PRCP: variants seen among roughly 807,000 people sequenced by gnomAD.
The protein encoded by PRCP is prolylcarboxypeptidase, also known as lysosomal Pro-X carboxypeptidase.
In PRCP, 46 loss-of-function variants were observed where a neutral mutation model predicts 54.2. The observed-to-expected ratio is 0.85, with a 90% CI of 0.67 to 1.09. The LOEUF is 1.09. Among genes scored for constraint, PRCP ranks in the 50% least tolerant of loss-of-function variants. The pLI is 0.00. For missense variants in PRCP, 613 were observed against 596.8 expected (o/e 1.03, Z -0.28); for synonymous variants, 240 against 212.2 (o/e 1.13, Z -1.14).
At chr11:82,876,171 A>C (rs1020353006) in intron 1 of PRCP, among the ~76,000 whole-genome samples, 1 of 152,226 alleles carries the variant, frequency 6.6e-6, no homozygotes, top group African/African-American at 2.4e-5. Flanking sequence ...GGCTCAGCAC[A>C]GTGAAAAGAG....
chr11:82,891,351 G>A (rs1342192170), intron 1 of PRCP, among the ~76,000 whole-genome samples: 2 of 152,032 alleles, frequency 1.3e-5, no homozygotes, highest in South Asian at 2.1e-4. Context: ...AGCCACCATC[G>A]TCTCTAATCT....
Position 82,824,742 on chromosome 11 carries a change from TG to T in PRCP, c.*163del. On this transcript the variant is annotated 3_prime_UTR_variant, in exon 9 of 9. Transcript: ENST00000313010. ...GTGAGAACCCAGGAAATCACATTCA[TG>T]GGACACTTGCTCTTACCGTCATCAC... 1.4e-6 allele frequency: 1 copy of T among 691,186 alleles called. No individual in the cohort carries two copies. Among genetic ancestry groups the T allele is most frequent in the Non-Finnish European group, 2.4e-6 (1 of 420,914 alleles). The allele number at this position is 691,186 out of a possible 1,614,324, so 42.8% of individuals were successfully genotyped here. A position where few individuals can be genotyped will look rare whatever the true frequency, so the allele number is the denominator to read the frequency against.
chr11:82,835,237 GAGTCTAATA>G (rs966409959), intron 8 of PRCP, among the ~76,000 whole-genome samples: 4 of 152,140 alleles, frequency 2.6e-5, no homozygotes, highest in African/African-American at 7.2e-5. Context: ...AAAATAGAAT[GAGTCTAATA>G]AGTCTAATAA....
intron 1 of PRCP, among the ~76,000 whole-genome samples, chr11:82,862,047 C>T (rs1859216826): frequency 6.6e-6 from 1 of 150,500 alleles, no homozygotes; most frequent in African/African-American, 2.4e-5. Context: ...TATATTCAGT[C>T]AGTAACCATA....
chr11:82,828,884 G>A (rs1425334489), intron 8 of PRCP: 1 of 152,108 alleles, frequency 6.6e-6, no homozygotes, highest in African/African-American at 2.4e-5. Flanking sequence ...TCTGTCAGTG[G>A]GAAGTCTATC....
At chr11:82,896,247 A>G (rs1185594767) in intron 1 of PRCP, among the ~76,000 whole-genome samples, 1 of 152,214 alleles carries the variant, frequency 6.6e-6, no homozygotes, top group Non-Finnish European at 1.5e-5. Context: ...CCAACTTTAT[A>G]GGCCATGGTG....
At chr11:82,865,655 A>G (rs1859314716) in intron 1 of PRCP, among the ~76,000 whole-genome samples, 1 of 152,236 alleles carries the variant, frequency 6.6e-6, no homozygotes, top group Non-Finnish European at 1.5e-5. Flanking sequence ...CCTCCAATAA[A>G]TCAAAGCACC....
At chr11:82,879,704 G>A (rs1859700258) in intron 1 of PRCP, among the ~76,000 whole-genome samples, 1 of 152,238 alleles carries the variant, frequency 6.6e-6, no homozygotes, top group South Asian at 2.1e-4. Flanking sequence ...GTGACGTACA[G>A]ATGGGGTTTT....
intron 7 of PRCP, 24 bp from the exon 8 acceptor site, chr11:82,838,598 T>C: frequency 3.8e-6 from 6 of 1,585,238 alleles, no homozygotes; most frequent in Non-Finnish European, 5.1e-6. Flanking sequence ...CAAGAGAGAA[T>C]CCAATTAGAA....
Position 82,853,266 on chromosome 11 carries a change from C to T in PRCP, c.322G>A (p.Asp108Asn), listed in dbSNP as rs776455403. The change falls in exon 3 of 9, where the codon GAT (aspartate) becomes AAT (asparagine). Residue 108 changes from aspartate (D) to asparagine (N), a missense_variant. By Grantham distance (23) the Asp-to-Asn change is conservative. Coordinates refer to ENST00000313010, the MANE Select transcript of PRCP (RefSeq NM_005040.4). ...WFCNNTGFMW[D>N]VAEELKAMLV... ...ATAGCTTTCAGTTCCTCAGCCACAT[C>T]CCACATGAACCCCTAAGAAGAGTTT... The T allele has an allele frequency of 1.2e-6, 2 of 1,610,580 alleles. No individual in the cohort carries two copies. The highest frequency in any genetic ancestry group is 8.5e-7 in the Non-Finnish European group (1 of 1,177,758).
chr11:82,862,239 A>C (rs562328033), intron 1 of PRCP, among the ~76,000 whole-genome samples: 6 of 152,330 alleles, frequency 3.9e-5, no homozygotes, highest in African/African-American at 1.4e-4. Flanking sequence ...GGAATTTTAA[A>C]TATATTTTTG....
intron 6 of PRCP, among the ~76,000 whole-genome samples, chr11:82,843,745 T>C (rs895186462): frequency 6.6e-6 from 1 of 152,234 alleles, no homozygotes; most frequent in Non-Finnish European, 1.5e-5. Flanking sequence ...CTGAGGTTGC[T>C]AGTACAACTA....
chr11:82,873,173 A>T (rs1308658266), intron 1 of PRCP, among the ~76,000 whole-genome samples: 1 of 152,072 alleles, frequency 6.6e-6, no homozygotes, highest in Admixed American at 6.5e-5. Flanking sequence ...AAGCCAAGGT[A>T]TGTCTCTCTT....
At position 82,846,805 on chromosome 11, in the gene PRCP, A is replaced by C. The variant is rs1858817879; in HGVS notation, c.921+2244T>G. 2.0e-5 allele frequency among the ~76,000 whole-genome samples: 3 copies of C among 152,352 alleles called. No homozygotes were observed. The South Asian group carries it at 6.2e-4, about 32-fold the overall frequency. ...GTAAGACTGAACAGCAAAATATCCCAAAATGAACATTAAAGAGGTAGGGAG... is the reference window on the plus strand; with the variant it reads ...GTAAGACTGAACAGCAAAATATCCCCAAATGAACATTAAAGAGGTAGGGAG... On this transcript the variant is annotated intron_variant, in intron 6 of 8. Transcript: ENST00000313010.
chr11:82,882,854 A>AACACACACACAC (rs3222274), intron 1 of PRCP, among the ~76,000 whole-genome samples: 298 of 71,984 alleles, frequency 4.1e-3, no homozygotes, highest in Middle Eastern at 5.8e-3. Context: ...CTACCTGTGC[A>AACACACACACAC]ACACACACAC....
rs1191523472 is a variant in PRCP at position 82,824,904 on chromosome 11, T to C, written c.*2A>G. ...AAGAAATTGAAAACAATCAAAAGTT[T>C]CTCAGTGCTGCTTTCCCGCACTGTC... On this transcript the variant is annotated 3_prime_UTR_variant, in exon 9 of 9. Transcript: ENST00000313010. 6.2e-7 allele frequency: 1 copy of C among 1,612,496 alleles called. No homozygotes were observed. The highest frequency in any genetic ancestry group is 1.7e-5 in the Admixed American group (1 of 59,862).
At chr11:82,883,265 C>T (rs1859793687) in intron 1 of PRCP, among the ~76,000 whole-genome samples, 1 of 152,154 alleles carries the variant, frequency 6.6e-6, no homozygotes, top group Non-Finnish European at 1.5e-5. Flanking sequence ...CAGCCCATGG[C>T]AGGGAGGCAA....
intron 6 of PRCP, chr11:82,843,226 T>C (rs1858718522): frequency 6.6e-6 from 1 of 152,038 alleles, no homozygotes; most frequent in African/African-American, 2.4e-5. Context: ...GGAGGATTGC[T>C]TCAGTCAGGA....
chr11:82,853,830 G>A (rs186315478), intron 2 of PRCP, among the ~76,000 whole-genome samples: 1 of 152,210 alleles, frequency 6.6e-6, no homozygotes, highest in Admixed American at 6.5e-5. Flanking sequence ...CTTTATTCCT[G>A]GATGCAAGGA....
Sources: gnomAD v4.1 joint callset for allele counts (sites outside exome capture counted in the v4.1 genomes callset) on GRCh38, gnomAD v4.1.1 for gene constraint, MANE v1.5 for transcripts, NCBI Gene and HGNC (gene_info 2026-07-23, HGNC 2026-07-21) for gene names.